The following TOX variants were observed in gnomAD, a reference collection of about 807,000 sequenced individuals.
TOX encodes the protein thymocyte selection-associated high mobility group box protein TOX.
In TOX, 11 loss-of-function variants were observed where a neutral mutation model predicts 53.7. The observed-to-expected ratio is 0.20, with a 90% confidence interval of 0.13 to 0.34. The LOEUF (loss-of-function observed/expected upper bound fraction) is 0.34. TOX is among the 10% of genes least tolerant of loss of function. The probability of loss-of-function intolerance (pLI) is 1.00; values close to 1 mark genes in which losing one functional copy is unlikely to be tolerated. For missense variants in TOX, 570 were observed against 664.6 expected, an observed-to-expected ratio of 0.86 and a Z score of 1.56; for synonymous variants, 225 against 245.3, an observed-to-expected ratio of 0.92 and a Z score of 0.77.
At chr8:58,908,685 G>A (rs138764951) in intron 3 of TOX, among the ~76,000 whole-genome samples, 3 of 152,246 alleles carry the variant, frequency 2.0e-5, no homozygotes, top group East Asian at 3.9e-4. Flanking sequence ...AAGGACCATT[G>A]AGTATTTATT....
intron 1 of TOX, among the ~76,000 whole-genome samples, chr8:59,100,401 T>C (rs528887694): frequency 6.6e-6 from 1 of 152,318 alleles, no homozygotes; most frequent in South Asian, 2.1e-4. Flanking sequence ...TAAGAATGGC[T>C]GATTGTCCCA....
chr8:59,042,550 C>T (rs1803610239), intron 1 of TOX, among the ~76,000 whole-genome samples: 1 of 152,214 alleles, frequency 6.6e-6, no homozygotes. Flanking sequence ...AAGTATCACA[C>T]AACAGGTTCT....
At chr8:59,083,458 A>T (rs923916390) in intron 1 of TOX, among the ~76,000 whole-genome samples, 1 of 152,218 alleles carries the variant, frequency 6.6e-6, no homozygotes. Flanking sequence ...ATAAAATAAA[A>T]ATGAGTGCCT....
At chr8:59,028,382 T>C (rs1814283444) in intron 1 of TOX, among the ~76,000 whole-genome samples, 1 of 152,164 alleles carries the variant, frequency 6.6e-6, no homozygotes, top group Non-Finnish European at 1.5e-5. Context: ...GGGGTTATTT[T>C]ACAAAGGCTT....
chr8:58,998,077 T>C lies in TOX; in HGVS notation c.103-38069A>G, dbSNP rs533556040. Among the ~76,000 whole-genome samples the C allele has an allele frequency of 1.7e-3, 260 of 152,256 alleles. 1 individual carries two copies. The highest frequency in any genetic ancestry group is 6.0e-3 in the African/African-American group (250 of 41,540). ...AACTGCTTTTTTAACCCATTAATAA[T>C]TACATAAATGCTCAGACTTGCATAT... is the stretch of plus-strand genomic sequence containing the variant. On this transcript the variant is annotated intron_variant, in intron 1 of 8. Coordinates refer to ENST00000361421, the MANE Select transcript of TOX (RefSeq NM_014729.3).
intron 1 of TOX, among the ~76,000 whole-genome samples, chr8:59,042,998 AAT>A (rs1803619838): frequency 6.6e-6 from 1 of 152,262 alleles, no homozygotes; most frequent in South Asian, 2.1e-4. Context: ...CATTATTATT[AAT>A]ATAGTCACCA....
At chr8:58,825,376 G>A (rs1433845984) in intron 6 of TOX, among the ~76,000 whole-genome samples, 5 of 152,142 alleles carry the variant, frequency 3.3e-5, no homozygotes, top group South Asian at 2.1e-4. Flanking sequence ...ATGGCAATTC[G>A]CAGCATTTAT....
intron 5 of TOX, among the ~76,000 whole-genome samples, chr8:58,829,930 T>A (rs186758845): frequency 3.9e-5 from 6 of 152,270 alleles, no homozygotes; most frequent in Non-Finnish European, 7.4e-5. Context: ...AGAGCAAAGA[T>A]GTCCCAGCAC....
At chr8:58,944,843 C>A (rs141504831) in intron 2 of TOX, among the ~76,000 whole-genome samples, 2,121 of 152,228 alleles carry the variant, frequency 0.014, 23 homozygotes, top group Non-Finnish European at 0.022. Context: ...AGATTTAGAT[C>A]CATTCTCCAC....
chr8:58,986,122 A>G (rs984448703), intron 1 of TOX, among the ~76,000 whole-genome samples: 3 of 152,106 alleles, frequency 2.0e-5, no homozygotes, highest in African/African-American at 7.3e-5. Context: ...TTTAAAACAT[A>G]GTACTTAAGG....
chr8:58,900,965 A>G (rs1410997426), intron 3 of TOX, among the ~76,000 whole-genome samples: 4 of 152,114 alleles, frequency 2.6e-5, no homozygotes, highest in East Asian at 3.8e-4. Context: ...TACAGTTCAT[A>G]TAACTAAAAA....
intron 3 of TOX, among the ~76,000 whole-genome samples, chr8:58,871,331 A>G (rs560069439): frequency 1.7e-4 from 26 of 152,292 alleles, no homozygotes; most frequent in African/African-American, 5.8e-4. Flanking sequence ...GTAATAGTGC[A>G]TATAGGAAAG....
In TOX at chr8:58,838,307, T is replaced by A; in HGVS notation, c.698A>T (p.Asn233Ile). ...EDEGDDTSKI[N>I]GGEKRPASDM... is the part of the protein sequence containing the mutation. ...AGAGGCAGGCCGCTTCTCTCCACCA[T>A]TGATCTGAAAGAGAAATCAAAATAG... The change falls in exon 5 of 9, where the codon AAT (asparagine) becomes ATT (isoleucine). Residue 233 changes from asparagine (N) to isoleucine (I), a missense_variant. Transcript: ENST00000361421. 6.2e-7 allele frequency: 1 copy of A among 1,612,046 alleles called. No individual in the cohort carries two copies.
chr8:59,058,817 T>A (rs1256438543), intron 1 of TOX, among the ~76,000 whole-genome samples: 2 of 152,176 alleles, frequency 1.3e-5, no homozygotes, highest in African/African-American at 4.8e-5. Flanking sequence ...CAAGGAGCCT[T>A]TCTCTGTTTA....
rs1326250763 is a variant in TOX at position 59,118,527 on chromosome 8, C to T, written c.102+359G>A. Among the ~76,000 whole-genome samples, 8 of 152,288 alleles carry T rather than the reference C, an allele frequency of 5.3e-5. No individual in the cohort carries two copies. The South Asian group carries it at 1.7e-3, about 32-fold the overall frequency. On this transcript the variant is annotated intron_variant, in intron 1 of 8. Transcript: ENST00000361421. This position sits in a 1 kb window ranked among gnomAD's most constrained non-coding sequence, Gnocchi z 4.1. The stretch of plus-strand genomic sequence containing the variant: ...GGAACTGGGAAATAAACTGAATTCT[C>T]TTACTCTGCCTCCGTTCCTGGACCC...
intron 3 of TOX, among the ~76,000 whole-genome samples, chr8:58,930,682 C>T (rs971880935): frequency 6.6e-6 from 1 of 152,164 alleles, no homozygotes; most frequent in Non-Finnish European, 1.5e-5. Flanking sequence ...CAACCATACC[C>T]CTACACATGC....
chr8:58,974,215 T>A (rs1174553484), intron 1 of TOX, among the ~76,000 whole-genome samples: 5 of 152,162 alleles, frequency 3.3e-5, no homozygotes, highest in African/African-American at 1.2e-4. Context: ...TGGCGTCTAG[T>A]GGATAGAGGC....
chr8:58,841,068 A>G (rs2129167230), intron 4 of TOX, among the ~76,000 whole-genome samples: 1 of 152,360 alleles, frequency 6.6e-6, no homozygotes, highest in East Asian at 1.9e-4. Flanking sequence ...GTAATCTCAC[A>G]TGTAAGCAGG....
chr8:59,094,288 G>A (rs1804673800), intron 1 of TOX, among the ~76,000 whole-genome samples: 1 of 152,084 alleles, frequency 6.6e-6, no homozygotes, highest in South Asian at 2.1e-4. Flanking sequence ...CTGTATGAGT[G>A]AAAACATAAT....
Sources: gnomAD v4.1 joint callset for allele counts (sites outside exome capture counted in the v4.1 genomes callset) on GRCh38, gnomAD v4.1.1 for gene constraint, Gnocchi (gnomAD v3.1) non-coding constraint, MANE v1.5 for transcripts, NCBI Gene and HGNC (gene_info 2026-07-23, HGNC 2026-07-21) for gene names.